IFT140: variants seen among roughly 807,000 people sequenced by gnomAD.
The protein encoded by IFT140 is intraflagellar transport protein 140 homolog.
A neutral mutation model predicts 164.6 loss-of-function variants in IFT140; 133 were observed. The ratio of observed to expected loss-of-function variants is 0.81; its 90% confidence interval spans 0.70 to 0.93. The LOEUF (loss-of-function observed/expected upper bound fraction) is 0.93, where lower values mean the gene tolerates loss of function less well. IFT140 is among the 40% of genes least tolerant of loss of function. IFT140 has a pLI of 0.00. For missense variants in IFT140, 2,045 were observed against 1,972.3 expected (o/e 1.04, Z -0.70); for synonymous variants, 860 against 817.3 (o/e 1.05, Z -0.89).
intron 13 of IFT140, among the ~76,000 whole-genome samples, chr16:1,578,578 TA>T (rs36091619): frequency 0.32 from 43,769 of 138,728 alleles, 6,597 homozygotes; most frequent in East Asian, 0.45. Flanking sequence ...TCCTGTCCCT[TA>T]AAAAAAAAAA....
chr16:1,519,982 G>C lies in IFT140; in HGVS notation c.3939C>G (p.Cys1313Trp). 2.5e-6 allele frequency: 4 copies of C among 1,606,662 alleles called. No individual in the cohort carries two copies. Among genetic ancestry groups the C allele is most frequent in the Non-Finnish European group, 3.4e-6 (4 of 1,177,134 alleles). ...GGCTCTTGGCCTTGGCCTTGGCCAG[G>C]CACTTGTAGGCCTCGGTCAGCGCCC... The part of the protein sequence containing the change: ...AHGALTEAYK[C>W]LAKAKAKSPL... Residue 1313 changes from cysteine to tryptophan, a missense_variant, in exon 29 of 31, where the codon TGC (cysteine) becomes TGG (tryptophan). Physicochemically the swap from Cys to Trp is radical, Grantham distance 215. Transcript: ENST00000426508.
Position 1,526,107 on chromosome 16 carries a change from C to T in IFT140, c.2578-30G>A. The T allele has an allele frequency of 1.9e-6, 3 of 1,546,226 alleles. No homozygotes were observed. In the South Asian group the frequency reaches 3.6e-5, roughly 19 times the overall value. ...GGAATGAGGATGGGCAGGTGTCGTG[C>T]AGCCTCCACACACCCACGTCTCAAA... On this transcript the variant is annotated intron_variant, in intron 20 of 30. Coordinates refer to ENST00000426508, the MANE Select transcript of IFT140 (RefSeq NM_014714.4).
rs1275515240 is a variant in IFT140 at position 1,564,037 on chromosome 16, G to C, written c.2027C>G (p.Ser676Cys). Residue 676 changes from serine to cysteine, a missense_variant, in exon 17 of 31, where the codon TCT (serine) becomes TGT (cysteine). Physicochemically the swap from Ser to Cys is moderately radical, Grantham distance 112 (BLOSUM62 -1). Transcript: ENST00000426508. The surrounding 1 kb of genome is among the most constrained non-coding windows in gnomAD (Gnocchi z 5.5). Reference sequence around the variant, plus strand: ...CCCATCTTGGGGCTGCCCGTTTGCAGACTGAGGCTGGGAGCGCGGCGTCTC... The same window carrying C: ...CCCATCTTGGGGCTGCCCGTTTGCACACTGAGGCTGGGAGCGCGGCGTCTC... ...VQETPRSQPQSANGQPQDGRA... is the reference protein window; with the variant it reads ...VQETPRSQPQCANGQPQDGRA... The C allele has an allele frequency of 1.3e-6, 2 of 1,598,118 alleles. No individual in the cohort carries two copies. Among genetic ancestry groups the C allele is most frequent in the Non-Finnish European group, 1.7e-6 (2 of 1,167,548 alleles).
At chr16:1,582,034 G>A (rs748364843) in intron 12 of IFT140, among the ~76,000 whole-genome samples, 19 of 152,048 alleles carry the variant, frequency 1.2e-4, no homozygotes, top group African/African-American at 2.2e-4. Context: ...CATGACACGC[G>A]GCCTCCTGTG....
At chr16:1,599,451 T>A (rs1252769152) in intron 4 of IFT140, among the ~76,000 whole-genome samples, 1 of 23,746 alleles carries the variant, frequency 4.2e-5, no homozygotes. Flanking sequence ...TGGCCAGCCG[T>A]GCCGTCCGGG....
At position 1,526,004 on chromosome 16, in the gene IFT140, C is replaced by T. The variant is rs150498538; in HGVS notation, c.2651G>A (p.Arg884Gln). 195 of 1,600,292 alleles carry T rather than the reference C, an allele frequency of 1.2e-4. No homozygotes were observed. Among genetic ancestry groups the T allele is most frequent in the Non-Finnish European group, 1.5e-4 (175 of 1,174,032 alleles). Residue 884 changes from arginine to glutamine, a missense_variant, in exon 21 of 31, where the codon CGG becomes CAG. Arg to Gln is a conservative substitution (Grantham distance 43). Coordinates refer to ENST00000426508, the MANE Select transcript of IFT140 (RefSeq NM_014714.4). ...LLNKFYQAAG[R>Q]WQEALQVAEH... ...GGCTACCTGGAGGGCCTCCTGCCAC[C>T]GGCCCGCAGCCTGGTAGAACTTGTT...
intron 13 of IFT140, among the ~76,000 whole-genome samples, chr16:1,578,999 T>G (rs2034418147): frequency 6.6e-6 from 1 of 152,224 alleles, no homozygotes; most frequent in African/African-American, 2.4e-5. Context: ...AGATGTGAGT[T>G]ACAGCGCTCG....
rs766120473 is a variant in IFT140 at position 1,523,511 on chromosome 16, C to A, written c.3453+7G>T. On this transcript the variant is annotated splice_region_variant and intron_variant, in intron 26 of 30. Transcript: ENST00000426508. ...GGAGCCGAGCCCAGGCCCCGCTGGC[C>A]CCGTACCTTCCTGGCAGCCAGCAGC... 6.8e-6 allele frequency: 11 copies of A among 1,607,856 alleles called. No homozygotes were observed. Among genetic ancestry groups the A allele is most frequent in the South Asian group, 1.1e-5 (1 of 91,028 alleles).
intron 2 of IFT140, among the ~76,000 whole-genome samples, chr16:1,608,730 A>AAT (rs1236518189): frequency 2.6e-5 from 4 of 152,110 alleles, no homozygotes; most frequent in Non-Finnish European, 5.9e-5. Context: ...TAAATTAAAA[A>AAT]ATATATATTG....
At chr16:1,601,956 G>A (rs1286431077) in intron 4 of IFT140, among the ~76,000 whole-genome samples, 4 of 152,196 alleles carry the variant, frequency 2.6e-5, no homozygotes, top group African/African-American at 9.7e-5. Flanking sequence ...GTGTGATGGT[G>A]GGCAGCATCC....
chr16:1,537,868 C>T (rs905093550), intron 19 of IFT140, among the ~76,000 whole-genome samples: 2 of 152,198 alleles, frequency 1.3e-5, no homozygotes, highest in Non-Finnish European at 2.9e-5. Flanking sequence ...TCCGTCACCA[C>T]GCATGCCCCG....
Position 1,511,498 on chromosome 16 carries a change from C to T in IFT140, c.4183-348G>A, listed in dbSNP as rs574217323. ...GAGCCTCCTGGGGAGGCAGAGGCCC[C>T]GCGTTCTGCACTCGAGTCTTGCGGG... On this transcript the variant is annotated intron_variant, in intron 30 of 30. Coordinates refer to ENST00000426508, the MANE Select transcript of IFT140 (RefSeq NM_014714.4). Among the ~76,000 whole-genome samples the T allele has an allele frequency of 5.3e-5, 8 of 152,280 alleles. No homozygotes were observed. The East Asian group carries it at 5.8e-4, about 11-fold the overall frequency.
intron 19 of IFT140, among the ~76,000 whole-genome samples, chr16:1,552,544 A>G (rs779031179): frequency 6.6e-6 from 1 of 152,124 alleles, no homozygotes; most frequent in Non-Finnish European, 1.5e-5. Flanking sequence ...CCTTCACCCC[A>G]GTAACACAAG....
In IFT140 at chr16:1,553,813, T is replaced by A; in HGVS notation, c.2399+4122A>T. The A allele has an allele frequency of 8.3e-7, 1 of 1,201,640 alleles. No homozygotes were observed. The highest frequency in any genetic ancestry group is 1.1e-6 in the Non-Finnish European group (1 of 947,710). The allele number at this position is 1,201,640 out of a possible 1,614,324, so 74.4% of individuals were successfully genotyped here. ...CCTAGAGCCTATGTTTCCAGCTGGA[T>A]TAGGACGCCCGGCTCCATCGCTGCG... On this transcript the variant is annotated intron_variant, in intron 19 of 30. Transcript: ENST00000426508. This position sits in a 1 kb window ranked among gnomAD's most constrained non-coding sequence, Gnocchi z 4.4.
intron 3 of IFT140, among the ~76,000 whole-genome samples, 153 bp downstream of exon 3, chr16:1,606,967 C>T (rs947472717): frequency 6.6e-6 from 1 of 151,710 alleles, no homozygotes; most frequent in African/African-American, 2.4e-5. Context: ...CGCATACACA[C>T]ACCAATACAC....
chr16:1,516,195 T>G (rs2040339417), intron 30 of IFT140, among the ~76,000 whole-genome samples: 6 of 119,596 alleles, frequency 5.0e-5, no homozygotes, highest in African/African-American at 8.7e-5. Flanking sequence ...AAATGGATGG[T>G]AAATATGTAG....
In IFT140 at chr16:1,523,886, G is replaced by A. The variant is rs2040595876; in HGVS notation, c.3212C>T (p.Ala1071Val). ...LSSPEDMIEA[A>V]RYYEEKGVQM... The stretch of plus-strand genomic sequence containing the variant: ...CACGCCCTTCTCCTCGTAGTATCGG[G>A]CCGCCTCGATCATGTCCTCGGGGGA... Residue 1071 changes from alanine (A) to valine (V), a missense_variant, in exon 25 of 31, where the codon GCC becomes GTC. Transcript: ENST00000426508. 3.1e-6 allele frequency: 5 copies of A among 1,613,508 alleles called. No homozygotes were observed. The highest frequency in any genetic ancestry group is 4.2e-6 in the Non-Finnish European group (5 of 1,180,026).
rs202107493 is a variant in IFT140 at position 1,571,502 on chromosome 16, C to G, written c.1557G>C (p.Glu519Asp). 1.9e-6 allele frequency: 3 copies of G among 1,613,930 alleles called. 1 individual carries two copies. The South Asian group carries it at 3.3e-5, about 18-fold the overall frequency. Residue 519 changes from glutamate to aspartate, a missense_variant, in exon 14 of 31, where the codon GAG (glutamate) becomes GAC (aspartate). Transcript: ENST00000426508. ...GTVKQLLLFS[E>D]TEGNPCFLDI... ...CCAAGAAGCAGGGATTCCCCTCAGT[C>G]TCCGAGAAAAGGAGGAGTTGTTTGA...
At chr16:1,545,233 C>G (rs891284110) in intron 19 of IFT140, among the ~76,000 whole-genome samples, 3 of 152,090 alleles carry the variant, frequency 2.0e-5, no homozygotes, top group Non-Finnish European at 4.4e-5. Flanking sequence ...TGCTCCAACA[C>G]GACCTCTGAC....
Sources: allele counts gnomAD v4.1 joint callset (sites outside exome capture counted in the v4.1 genomes callset), GRCh38; gene constraint gnomAD v4.1.1; non-coding constraint Gnocchi (gnomAD v3.1); transcripts MANE v1.5; gene names NCBI Gene and HGNC (gene_info 2026-07-23, HGNC 2026-07-21).